FGF7: variants seen among roughly 807,000 people sequenced by gnomAD.
FGF7 encodes fibroblast growth factor 7.
Under a neutral mutation model 20.5 loss-of-function variants are expected in FGF7, and 6 were observed. The ratio of observed to expected loss-of-function variants is 0.29; its 90% CI spans 0.16 to 0.58. The LOEUF (loss-of-function observed/expected upper bound fraction) is 0.58. Among genes scored for constraint, FGF7 ranks in the 20% least tolerant of loss-of-function variants. The pLI, the probability that FGF7 is intolerant of heterozygous loss-of-function variation, is 0.90. For synonymous variants in FGF7, 64 were observed against 74.7 expected (o/e 0.86, Z 0.74); for missense variants, 144 against 228.8 (o/e 0.63, Z 2.39).
At chr15:49,466,471 T>C (rs768923541) in intron 2 of FGF7, among the ~76,000 whole-genome samples, 1 of 152,032 alleles carries the variant, frequency 6.6e-6, no homozygotes, top group Non-Finnish European at 1.5e-5. Context: ...TAGGCTGGAG[T>C]CAGATTTTGG....
chr15:49,444,001 T>C (rs532379983), intron 2 of FGF7, among the ~76,000 whole-genome samples: 1 of 151,660 alleles, frequency 6.6e-6, no homozygotes, highest in African/African-American at 2.4e-5. Context: ...AGTAAAAGAT[T>C]GTGCTGTAAA....
intron 2 of FGF7, among the ~76,000 whole-genome samples, chr15:49,426,057 A>G (rs2050103150): frequency 6.6e-6 from 1 of 151,560 alleles, no homozygotes; most frequent in Admixed American, 6.6e-5. Flanking sequence ...TATCAATAAT[A>G]ATATCATGGA....
intron 2 of FGF7, among the ~76,000 whole-genome samples, chr15:49,448,495 T>C (rs2052422972): frequency 6.6e-6 from 1 of 151,772 alleles, no homozygotes; most frequent in Admixed American, 6.6e-5. Flanking sequence ...AAAGAGTATA[T>C]TTATTGTTTT....
At chr15:49,473,718 G>A (rs2054995713) in intron 2 of FGF7, among the ~76,000 whole-genome samples, 1 of 152,128 alleles carries the variant, frequency 6.6e-6, no homozygotes, top group Admixed American at 6.5e-5. Context: ...AAAAATAAGT[G>A]AGCTAATTTT....
chr15:49,472,732 G>T lies in FGF7; in HGVS notation c.287-10419G>T, dbSNP rs2054890070. ...AGATATGACAAGAAGAGAATAGAAA[G>T]CTTATTATGCCTCATAAGAAAAGGG... On this transcript the variant is annotated intron_variant, in intron 2 of 3. Transcript: ENST00000267843. 4.6e-5 allele frequency among the ~76,000 whole-genome samples: 7 copies of T among 152,010 alleles called. No homozygotes were observed. In the South Asian group the frequency reaches 1.4e-3, roughly 31 times the overall value.
At chr15:49,460,536 T>C (rs542419196) in intron 2 of FGF7, among the ~76,000 whole-genome samples, 63 of 152,318 alleles carry the variant, frequency 4.1e-4, no homozygotes, top group African/African-American at 1.4e-3. Flanking sequence ...TATTTTGACA[T>C]TTCTTCACAG....
chr15:49,424,676 T>G, intron 2 of FGF7, 93 bp downstream of exon 2: 1 of 1,037,840 alleles, frequency 9.6e-7, no homozygotes, highest in Middle Eastern at 3.2e-4. Context: ...TTTTGCTTCT[T>G]GGAAAAAAAA....
intron 2 of FGF7, among the ~76,000 whole-genome samples, chr15:49,473,276 A>T (rs1336656288): frequency 1.3e-5 from 2 of 152,178 alleles, no homozygotes; most frequent in Non-Finnish European, 2.9e-5. Context: ...TCACTATTAT[A>T]TAAATAAGTT....
At chr15:49,433,457 A>T (rs1009038979) in intron 2 of FGF7, among the ~76,000 whole-genome samples, 1 of 151,808 alleles carries the variant, frequency 6.6e-6, no homozygotes, top group African/African-American at 2.4e-5. Flanking sequence ...AATTTATTAC[A>T]CATTTAAAAT....
In FGF7 at chr15:49,461,951, C is replaced by T. The variant is rs180768590; in HGVS notation, c.287-21200C>T. 1.3e-3 allele frequency among the ~76,000 whole-genome samples: 197 copies of T among 152,282 alleles called. 6 individuals are homozygous for T. Among genetic ancestry groups the T allele is most frequent in the Admixed American group, 0.012 (188 of 15,280 alleles). On this transcript the variant is annotated intron_variant, in intron 2 of 3. Coordinates refer to ENST00000267843, the MANE Select transcript of FGF7 (RefSeq NM_002009.4). ...TTGGGAGGCCGAAGCAGGCAGATTA[C>T]TTGAGGTAAGGAGTTCGAGACCAGC...
At chr15:49,426,733 G>A (rs1342751117) in intron 2 of FGF7, among the ~76,000 whole-genome samples, 1 of 151,670 alleles carries the variant, frequency 6.6e-6, no homozygotes, top group African/African-American at 2.4e-5. Context: ...GAAAAAAAAA[G>A]GAAGTCGCCC....
intron 2 of FGF7, among the ~76,000 whole-genome samples, chr15:49,482,333 A>G (rs1465246841): frequency 6.6e-6 from 1 of 152,120 alleles, no homozygotes; most frequent in African/African-American, 2.4e-5. Context: ...GTGTAAACAC[A>G]TTTTGTAAAT....
chr15:49,459,591 A>G (rs1687620967), intron 2 of FGF7, among the ~76,000 whole-genome samples: 2 of 152,018 alleles, frequency 1.3e-5, no homozygotes, highest in Non-Finnish European at 2.9e-5. Context: ...TCTCTTCAAT[A>G]TTTTGCAAAT....
rs2056542151 is a variant in FGF7 at position 49,487,949 on chromosome 15, T to C, written c.*3445T>C. ...CGTGAATGAGACACAAAAGATTATT[T>C]GCCTCCCATAATCCAACTTTACACA... is the stretch of plus-strand genomic sequence containing the variant. On this transcript the variant is annotated 3_prime_UTR_variant, in exon 4 of 4. Coordinates refer to ENST00000267843, the MANE Select transcript of FGF7 (RefSeq NM_002009.4). 1 of 152,000 alleles carries C rather than the reference T, an allele frequency of 6.6e-6. No individual in the cohort carries two copies. The highest frequency in any genetic ancestry group is 1.5e-5 in the Non-Finnish European group (1 of 67,936). 9.4% of individuals were successfully genotyped at this position (152,000 alleles called of 1,614,324 possible).
At chr15:49,479,608 T>G (rs1191528600) in intron 2 of FGF7, among the ~76,000 whole-genome samples, 1 of 127,034 alleles carries the variant, frequency 7.9e-6, no homozygotes, top group African/African-American at 3.4e-5. Context: ...TGTTTTTTTT[T>G]TTTTTTTTTT....
intron 2 of FGF7, among the ~76,000 whole-genome samples, chr15:49,428,598 G>T (rs2050325234): frequency 6.6e-6 from 1 of 151,966 alleles, no homozygotes; most frequent in African/African-American, 2.4e-5. Context: ...GGTGCCGAGT[G>T]AGAGAAAGCA....
chr15:49,443,314 T>C (rs561038106), intron 2 of FGF7, among the ~76,000 whole-genome samples: 5 of 151,760 alleles, frequency 3.3e-5, no homozygotes, highest in Admixed American at 2.6e-4. Context: ...TTATTTCTAA[T>C]GTATTTATAT....
chr15:49,482,915 G>A (rs920139031), intron 2 of FGF7, among the ~76,000 whole-genome samples: 1 of 151,822 alleles, frequency 6.6e-6, no homozygotes, highest in African/African-American at 2.4e-5. Flanking sequence ...CTATTTATTT[G>A]ATACAGACAC....
chr15:49,439,485 T>C (rs1458873198), intron 2 of FGF7, among the ~76,000 whole-genome samples: 9 of 151,780 alleles, frequency 5.9e-5, no homozygotes, highest in Non-Finnish European at 7.4e-5. Flanking sequence ...TTAGGGATCA[T>C]TGGGGCCAAA....
Sources: gnomAD v4.1 joint callset for allele counts (sites outside exome capture counted in the v4.1 genomes callset) on GRCh38, gnomAD v4.1.1 for gene constraint, MANE v1.5 for transcripts, NCBI Gene and HGNC (gene_info 2026-07-23, HGNC 2026-07-21) for gene names.